PAX5: variants seen among roughly 807,000 people sequenced by gnomAD.
PAX5 encodes the protein paired box 5, also known as paired box protein Pax-5.
A neutral mutation model predicts 43.7 loss-of-function variants in PAX5; 9 were observed. The observed-to-expected ratio is 0.21, with a 90% CI of 0.12 to 0.36. The LOEUF (loss-of-function observed/expected upper bound fraction) is 0.36, where lower values mean the gene tolerates loss of function less well. Among genes scored for constraint, PAX5 ranks in the 10% least tolerant of loss-of-function variants. PAX5 has a pLI of 1.00. For synonymous variants in PAX5, 228 were observed against 214.3 expected, an observed-to-expected ratio of 1.06 and a Z score of -0.56; for missense variants, 383 against 532.7, an observed-to-expected ratio of 0.72 and a Z score of 2.77.
intron 7 of PAX5, among the ~76,000 whole-genome samples, chr9:36,917,176 G>T (rs1829792456): frequency 6.6e-6 from 1 of 152,068 alleles, no homozygotes; most frequent in Non-Finnish European, 1.5e-5. Flanking sequence ...TTGGTCAAGG[G>T]TTTACTTTAA....
At chr9:36,857,762 A>G (rs1823814739) in intron 8 of PAX5, among the ~76,000 whole-genome samples, 1 of 152,250 alleles carries the variant, frequency 6.6e-6, no homozygotes. Context: ...AGCAGGACGC[A>G]CACGGTGCTG....
At chr9:37,017,499 G>C (rs1019316302) in intron 2 of PAX5, among the ~76,000 whole-genome samples, 5 of 152,224 alleles carry the variant, frequency 3.3e-5, no homozygotes, top group African/African-American at 1.2e-4. Context: ...ATTTTCACAT[G>C]CATTTTTCAT....
chr9:36,889,242 G>A (rs1360241449), intron 7 of PAX5, among the ~76,000 whole-genome samples: 1 of 152,124 alleles, frequency 6.6e-6, no homozygotes, highest in Non-Finnish European at 1.5e-5. Flanking sequence ...TTCAATACAA[G>A]AACCCCATAA....
intron 1 of PAX5, among the ~76,000 whole-genome samples, chr9:37,033,376 G>A (rs1841184879): frequency 6.6e-6 from 1 of 152,182 alleles, no homozygotes; most frequent in Non-Finnish European, 1.5e-5. Flanking sequence ...GACAGCCGTT[G>A]ACATCCAAAA....
At chr9:36,966,499 G>A (rs1457877945) in intron 6 of PAX5, 50 bp downstream of exon 6, 2 of 1,585,558 alleles carry the variant, frequency 1.3e-6, no homozygotes, top group Admixed American at 1.7e-5. Context: ...GAACCTGGCT[G>A]GGCCGGTGTG....
chr9:36,932,317 G>T (rs986221502), intron 6 of PAX5, among the ~76,000 whole-genome samples: 1 of 152,188 alleles, frequency 6.6e-6, no homozygotes, highest in Non-Finnish European at 1.5e-5. Context: ...ATATTTACAG[G>T]TGAAGTGACA....
chr9:36,864,826 G>A (rs1824690831), intron 8 of PAX5, among the ~76,000 whole-genome samples: 1 of 152,194 alleles, frequency 6.6e-6, no homozygotes, highest in Non-Finnish European at 1.5e-5. Context: ...AGGAGGGTGG[G>A]CCGGCGCCGG....
chr9:37,017,885 G>A (rs1255304061), intron 2 of PAX5, among the ~76,000 whole-genome samples: 1 of 152,238 alleles, frequency 6.6e-6, no homozygotes, highest in South Asian at 2.1e-4. Flanking sequence ...TGTCAAATGA[G>A]GATTCAGATT....
intron 7 of PAX5, among the ~76,000 whole-genome samples, chr9:36,908,804 A>G (rs566742910): frequency 3.1e-4 from 47 of 152,348 alleles, no homozygotes; most frequent in Non-Finnish European, 4.6e-4. Flanking sequence ...ATAAAAATCT[A>G]TGAGACCATT....
intron 3 of PAX5, 97 bp from the exon 4 acceptor site, chr9:37,006,634 G>C: frequency 1.0e-6 from 1 of 956,474 alleles, no homozygotes; most frequent in Non-Finnish European, 1.7e-6. Context: ...TCATACCCAA[G>C]CTGGGCCATG....
At chr9:36,974,002 A>AAAT (rs1329156236) in intron 5 of PAX5, among the ~76,000 whole-genome samples, 1 of 151,998 alleles carries the variant, frequency 6.6e-6, no homozygotes, top group Non-Finnish European at 1.5e-5. Flanking sequence ...TCTGTCTCAA[A>AAAT]AATAATAATA....
At chr9:37,033,744 C>A (rs1180604307) in intron 1 of PAX5, among the ~76,000 whole-genome samples, 3 of 152,170 alleles carry the variant, frequency 2.0e-5, no homozygotes, top group Non-Finnish European at 4.4e-5. Flanking sequence ...TTGCAGACCC[C>A]CGGAAGGACG....
rs911268680 is a variant in PAX5, at chr9:36,847,035, C to T, written c.1013-106G>A. ...GGTTGCCAATGGCATTTGCCTCTTCCGTGAGTTGCAGGCGCTTTTGTAACC... is the reference window on the plus strand; with the variant it reads ...GGTTGCCAATGGCATTTGCCTCTTCTGTGAGTTGCAGGCGCTTTTGTAACC... On this transcript the variant is annotated intron_variant, in intron 8 of 9. Transcript: ENST00000358127. 19 of 722,878 alleles carry T rather than the reference C, an allele frequency of 2.6e-5. No homozygotes were observed. The East Asian group carries it at 3.0e-4, about 11-fold the overall frequency. 44.8% of individuals were successfully genotyped at this position (722,878 alleles called of 1,614,324 possible). A position where few individuals can be genotyped will look rare whatever the true frequency, so the allele number is the denominator to read the frequency against.
At chr9:36,843,012 CTGTG>C (rs1192634454) in intron 9 of PAX5, among the ~76,000 whole-genome samples, 1 of 151,738 alleles carries the variant, frequency 6.6e-6, no homozygotes, top group Non-Finnish European at 1.5e-5. Context: ...GAGCATGTGT[CTGTG>C]TGTGTATGTG....
intron 6 of PAX5, among the ~76,000 whole-genome samples, chr9:36,945,770 A>G (rs1832445605): frequency 6.6e-6 from 1 of 152,218 alleles, no homozygotes; most frequent in Admixed American, 6.5e-5. Context: ...CAGCAGCACA[A>G]CTTACCAGCT....
chr9:36,881,793 T>TC (rs1234009495), intron 8 of PAX5, among the ~76,000 whole-genome samples: 3 of 151,816 alleles, frequency 2.0e-5, no homozygotes, highest in Non-Finnish European at 4.4e-5. Flanking sequence ...TCAAAGACCC[T>TC]CCCCTCGCCC....
At chr9:36,939,354 G>T (rs927986122) in intron 6 of PAX5, among the ~76,000 whole-genome samples, 9 of 152,078 alleles carry the variant, frequency 5.9e-5, no homozygotes, top group Admixed American at 5.9e-4. Context: ...ATCCTTAGCC[G>T]TTTGGGCAGG....
intron 1 of PAX5, among the ~76,000 whole-genome samples, chr9:37,022,116 A>G (rs1441319177): frequency 6.6e-6 from 1 of 152,112 alleles, no homozygotes; most frequent in African/African-American, 2.4e-5. Context: ...CAAGCAATCC[A>G]CTCAAGTTTC....
intron 8 of PAX5, among the ~76,000 whole-genome samples, chr9:36,878,119 T>C (rs1421897298): frequency 6.6e-6 from 1 of 152,154 alleles, no homozygotes; most frequent in Non-Finnish European, 1.5e-5. Context: ...ACCTTGATTT[T>C]GGCCCAGTGA....
Sources: allele counts gnomAD v4.1 joint callset (sites outside exome capture counted in the v4.1 genomes callset), GRCh38; gene constraint gnomAD v4.1.1; transcripts MANE v1.5; gene names NCBI Gene and HGNC (gene_info 2026-07-23, HGNC 2026-07-21).